The following CD163L1 variants were observed in gnomAD, a reference collection of about 807,000 sequenced individuals.
CD163L1 encodes the protein CD163 molecule like 1, also known as scavenger receptor cysteine-rich type 1 protein M160.
Under a neutral mutation model 165.4 loss-of-function variants are expected in CD163L1, and 124 were observed. The ratio of observed to expected loss-of-function variants is 0.75; its 90% confidence interval spans 0.65 to 0.87. The LOEUF (loss-of-function observed/expected upper bound fraction) is 0.87, where lower values mean the gene tolerates loss of function less well. CD163L1 is among the 40% of genes least tolerant of loss of function. The pLI is 0.00. For missense variants in CD163L1, 1,525 were observed against 1,799.9 expected (o/e 0.85, Z 2.76); for synonymous variants, 585 against 662.2 (o/e 0.88, Z 1.79).
rs140337669 is a variant in CD163L1, at chr12:7,391,054, G to A, written c.2050+5041C>T. Among the ~76,000 whole-genome samples the A allele has an allele frequency of 2.9e-3, 436 of 152,208 alleles. 2 individuals carry two copies. The highest frequency in any genetic ancestry group is 9.3e-3 in the African/African-American group (385 of 41,530). ...CTTCTGCATTTCCAACTGAGCCTCC[G>A]CTGTTGATACCCAGGCAAACAGGGT... On this transcript the variant is annotated intron_variant, in intron 8 of 19. Transcript: ENST00000313599.
intron 19 of CD163L1, 61 bp from the exon 20 acceptor site, chr12:7,355,191 C>T (rs1946748227): frequency 6.6e-6 from 1 of 152,218 alleles, no homozygotes; most frequent in Admixed American, 6.5e-5. Flanking sequence ...TGCTAGCCTA[C>T]ATGAGGTTAA....
chr12:7,440,085 G>A (rs992013429), intron 2 of CD163L1: 1 of 985,168 alleles, frequency 1.0e-6, no homozygotes, highest in Admixed American at 2.1e-5. Context: ...CATCAGCGGC[G>A]TAACGGAAGC....
chr12:7,403,486 T>G (rs1947952015), intron 6 of CD163L1, 49 bp downstream of exon 6: 1 of 1,526,286 alleles, frequency 6.6e-7, no homozygotes, highest in Admixed American at 2.0e-5. Flanking sequence ...CCCAACAGAT[T>G]ATTTCTAAAA....
chr12:7,442,927 T>A (rs1423893161), intron 1 of CD163L1, among the ~76,000 whole-genome samples: 1 of 152,216 alleles, frequency 6.6e-6, no homozygotes, highest in Non-Finnish European at 1.5e-5. Flanking sequence ...GAAGGAGAAT[T>A]AAAGTATAAT....
intron 5 of CD163L1, among the ~76,000 whole-genome samples, chr12:7,404,675 A>G (rs1449647706): frequency 3.9e-5 from 6 of 152,214 alleles, no homozygotes; most frequent in African/African-American, 1.4e-4. Context: ...CATTACAAAA[A>G]TATAATTTGC....
chr12:7,394,731 T>G (rs1193950682), intron 8 of CD163L1, among the ~76,000 whole-genome samples: 4 of 151,934 alleles, frequency 2.6e-5, no homozygotes, highest in African/African-American at 9.7e-5. Context: ...TACAAAGAAC[T>G]TAAACAAATT....
At chr12:7,366,554 A>G (rs1018405248) in intron 18 of CD163L1, among the ~76,000 whole-genome samples, 6 of 152,192 alleles carry the variant, frequency 3.9e-5, no homozygotes, top group African/African-American at 1.4e-4. Context: ...AATGTTAATT[A>G]AAATAACAAT....
At chr12:7,392,101 A>G (rs1376989474) in intron 8 of CD163L1, among the ~76,000 whole-genome samples, 1 of 152,162 alleles carries the variant, frequency 6.6e-6, no homozygotes, top group Non-Finnish European at 1.5e-5. Flanking sequence ...AACTCTCCAC[A>G]GCAAATCAAC....
At position 7,357,379 on chromosome 12, in the gene CD163L1, C is replaced by A. The variant is rs1287321171; in HGVS notation, c.*24+1G>T. ...AGTAGGAACAATACTTCTCAACTTA[C>A]CTGGTGAGCCCTGGAAGTCTAAAGT... On this transcript the variant is annotated splice_donor_variant, in intron 19 of 19. Transcript: ENST00000313599. LOFTEE classifies it low-confidence loss of function (3UTR_SPLICE). 22 of 1,598,370 alleles carry A rather than the reference C, an allele frequency of 1.4e-5. No homozygotes were observed. The highest frequency in any genetic ancestry group is 1.9e-5 in the Non-Finnish European group (22 of 1,166,258).
chr12:7,364,082 T>G (rs1361753416), intron 18 of CD163L1, among the ~76,000 whole-genome samples: 1 of 152,076 alleles, frequency 6.6e-6, no homozygotes, highest in Non-Finnish European at 1.5e-5. Context: ...TTAAAAGATT[T>G]TTCACCACAA....
chr12:7,433,647 A>G lies in CD163L1; in HGVS notation c.172T>C (p.Ser58Pro). 6.2e-7 allele frequency: 1 copy of G among 1,614,040 alleles called. No homozygotes were observed. Among genetic ancestry groups the G allele is most frequent in the Non-Finnish European group, 8.5e-7 (1 of 1,179,956 alleles). The change falls in exon 3 of 20, where the codon TCT (serine) becomes CCT (proline). Residue 58 changes from serine to proline, a missense_variant. Physicochemically the swap from Ser to Pro is moderately conservative, Grantham distance 74. Coordinates refer to ENST00000313599, the MANE Select transcript of CD163L1 (RefSeq NM_174941.6). ...TGGAATTTCACCTCCACTGTCCCAG[A>G]GCAGGGACCGTCTCCATTGACCAGC... ...LRLVNGDGPCSGTVEVKFQGQ... is the reference protein window; with the variant it reads ...LRLVNGDGPCPGTVEVKFQGQ...
the CD163L1 span, among the ~76,000 whole-genome samples, chr12:7,328,095 G>A: frequency 4.6e-5 from 7 of 152,270 alleles, no homozygotes; most frequent in African/African-American, 1.7e-4. Flanking sequence ...CTAAAAACCC[G>A]TAAGATGGAG....
intron 8 of CD163L1, among the ~76,000 whole-genome samples, chr12:7,388,765 G>C (rs780399508): frequency 1.3e-4 from 18 of 141,292 alleles, no homozygotes; most frequent in African/African-American, 3.3e-4. Context: ...AAAACAAAGT[G>C]GGGGGGGCAA....
At chr12:7,381,492 G>C (rs1176215954) in intron 8 of CD163L1, among the ~76,000 whole-genome samples, 1 of 152,120 alleles carries the variant, frequency 6.6e-6, no homozygotes, top group Non-Finnish European at 1.5e-5. Context: ...AAGCCTATTT[G>C]TTACTCTGTG....
chr12:7,439,024 G>C, intron 2 of CD163L1: 3 of 1,605,446 alleles, frequency 1.9e-6, no homozygotes, highest in South Asian at 2.2e-5. Context: ...CTCTGACATC[G>C]GTATCCTCCT....
chr12:7,375,708 A>G lies in CD163L1; in HGVS notation c.2678T>C (p.Val893Ala). The G allele has an allele frequency of 6.2e-7, 1 of 1,614,072 alleles. No homozygotes were observed. Among genetic ancestry groups the G allele is most frequent in the African/African-American group, 1.3e-5 (1 of 75,046 alleles). Residue 893 changes from valine to alanine, a missense_variant, in exon 10 of 20, where the codon GTC (valine) becomes GCC (alanine). Coordinates refer to ENST00000313599, the MANE Select transcript of CD163L1 (RefSeq NM_174941.6). Reference sequence around the variant, plus strand: ...TTATTTAAAAATCTCACGGGAACAGACAACTCCAACTTCTCTGCTGTGGAT... The same window carrying G: ...TTATTTAAAAATCTCACGGGAACAGGCAACTCCAACTTCTCTGCTGTGGAT... ...TCIHSREVGV[V>A]CSRYTDVRLV...
At chr12:7,384,283 C>A (rs1349393709) in intron 8 of CD163L1, among the ~76,000 whole-genome samples, 1 of 151,904 alleles carries the variant, frequency 6.6e-6, no homozygotes, top group Non-Finnish European at 1.5e-5. Flanking sequence ...AAAACCTTTG[C>A]AACACATGGG....
intron 4 of CD163L1, among the ~76,000 whole-genome samples, chr12:7,421,494 TATATGTAC>T (rs1311973886): frequency 6.5e-4 from 72 of 111,274 alleles, no homozygotes; most frequent in Non-Finnish European, 6.2e-4. Flanking sequence ...CATATATACA[TATATGTAC>T]ATATACATAT....
At chr12:7,405,420 TC>T (rs1227734314) in intron 5 of CD163L1, among the ~76,000 whole-genome samples, 3 of 152,144 alleles carry the variant, frequency 2.0e-5, no homozygotes, top group Non-Finnish European at 4.4e-5. Context: ...TATGGGAAAC[TC>T]TTTTGAATGG....
Sources: gnomAD v4.1 joint callset for allele counts (sites outside exome capture counted in the v4.1 genomes callset) on GRCh38, gnomAD v4.1.1 for gene constraint, MANE v1.5 for transcripts, NCBI Gene and HGNC (gene_info 2026-07-23, HGNC 2026-07-21) for gene names.